CCKBR: variants seen among roughly 807,000 people sequenced by gnomAD.
CCKBR encodes cholecystokinin B receptor.
A neutral mutation model predicts 34.6 loss-of-function variants in CCKBR; 33 were observed. That is an observed-to-expected ratio of 0.95 (90% CI 0.72 to 1.27). The LOEUF is 1.27. CCKBR is among the 50% of genes most tolerant of loss of function. The pLI, the probability that CCKBR is intolerant of heterozygous loss-of-function variation, is 0.00. For synonymous variants in CCKBR, 269 were observed against 267.5 expected (o/e 1.01, Z -0.06); for missense variants, 652 against 617.4 (o/e 1.06, Z -0.59).
At chr11:6,264,543 G>T (rs1348496918) in intron 1 of CCKBR, 1 of 700,380 alleles carries the variant, frequency 1.4e-6, no homozygotes, top group East Asian at 2.7e-5. Context: ...GAGTCGCCTG[G>T]TCTGATGCCA....
In CCKBR at chr11:6,271,925, G is replaced by A. The variant is rs555657400; in HGVS notation, c.*382G>A. The A allele has an allele frequency of 3.3e-4, 64 of 194,720 alleles. No homozygotes were observed. The highest frequency in any genetic ancestry group is 1.4e-3 in the African/African-American group (62 of 43,020). The allele number at this position is 194,720 out of a possible 1,614,324, so 12.1% of individuals were successfully genotyped here. On this transcript the variant is annotated 3_prime_UTR_variant, in exon 5 of 5. Coordinates refer to ENST00000334619, the MANE Select transcript of CCKBR (RefSeq NM_176875.4). ...GGAGCCTGGCACAGGACTGATTCTG[G>A]GATGCTCCTAGTTTGACCTCACAGT...
chr11:6,263,035 A>G (rs1382994751), intron 1 of CCKBR, among the ~76,000 whole-genome samples: 2 of 152,218 alleles, frequency 1.3e-5, no homozygotes, highest in Non-Finnish European at 2.9e-5. Context: ...CAGATGTTAC[A>G]CACAGAGACC....
intron 1 of CCKBR, among the ~76,000 whole-genome samples, chr11:6,262,213 G>A (rs1489173705): frequency 6.6e-6 from 1 of 152,144 alleles, no homozygotes; most frequent in Non-Finnish European, 1.5e-5. Flanking sequence ...TTACAGGAGA[G>A]GTCTGAGGTG....
chr11:6,262,281 TA>T (rs1320606310), intron 1 of CCKBR, among the ~76,000 whole-genome samples: 1 of 152,110 alleles, frequency 6.6e-6, no homozygotes, highest in Non-Finnish European at 1.5e-5. Flanking sequence ...CGAGAATAGT[TA>T]AAATCATAAA....
At chr11:6,268,968 G>C (rs1848247831) in intron 1 of CCKBR, among the ~76,000 whole-genome samples, 1 of 151,870 alleles carries the variant, frequency 6.6e-6, no homozygotes, top group Non-Finnish European at 1.5e-5. Flanking sequence ...ATTCCGGTCT[G>C]AGAAACCAGC....
At chr11:6,268,314 A>G (rs1253495150) in intron 1 of CCKBR, among the ~76,000 whole-genome samples, 2 of 152,168 alleles carry the variant, frequency 1.3e-5, no homozygotes, top group East Asian at 1.9e-4. Context: ...CTTCTCTGCA[A>G]TCTAGGAGGC....
intron 2 of CCKBR, 49 bp downstream of exon 2, chr11:6,269,969 AGCTCTTGTGGATGTAG>A: frequency 6.2e-7 from 1 of 1,609,158 alleles, no homozygotes; most frequent in African/African-American, 1.3e-5. Flanking sequence ...CCCCGCCTAA[AGCTCTTGTGGATGTAG>A]GGGTCTTCCC....
At chr11:6,260,597 A>C (rs1300460833) in intron 1 of CCKBR, among the ~76,000 whole-genome samples, 1 of 152,206 alleles carries the variant, frequency 6.6e-6, no homozygotes, top group Non-Finnish European at 1.5e-5. Context: ...ATCCCAAAAA[A>C]GATCCTCAAA....
chr11:6,270,092 G>A lies in CCKBR; in HGVS notation c.408G>A (p.Val136=), dbSNP rs769006419. The change falls in exon 3 of 5, where the codon GTG becomes GTA. Residue 136 remains valine, a synonymous_variant. Transcript: ENST00000334619. ...CCTTTCTCTTCCCTTGTTTAGGGGT[G>A]TCTGTGAGTGTGTCCACGCTAAGCC... The part of the protein sequence containing the change: ...ICKAVSYLMG[V]SVSVSTLSLV... 6.2e-7 allele frequency: 1 copy of A among 1,603,738 alleles called. No individual in the cohort carries two copies. The highest frequency in any genetic ancestry group is 1.1e-5 in the South Asian group (1 of 90,276).
chr11:6,270,619 C>G, intron 3 of CCKBR, 27 bp from the exon 4 acceptor site: 1 of 1,570,476 alleles, frequency 6.4e-7, no homozygotes, highest in East Asian at 2.3e-5. Context: ...GACAGAAACC[C>G]GAGTGATCTG....
rs1436121738 is a variant in CCKBR, at chr11:6,271,422, G to C, written c.1223G>C (p.Cys408Ser). Residue 408 changes from cysteine (C) to serine (S), a missense_variant, in exon 5 of 5, where the codon TGC becomes TCC. Cys to Ser is a moderately radical substitution (Grantham distance 112). Transcript: ENST00000334619. ...RQACLETCAR[C>S]CPRPPRARPR... ...GCCTGCCTGGAAACTTGCGCTCGCT[G>C]CTGCCCCCGGCCTCCACGAGCTCGC... The C allele has an allele frequency of 1.2e-6, 2 of 1,613,686 alleles. No individual in the cohort carries two copies. The highest frequency in any genetic ancestry group is 1.7e-6 in the Non-Finnish European group (2 of 1,180,040).
At chr11:6,268,166 C>T (rs751631864) in intron 1 of CCKBR, among the ~76,000 whole-genome samples, 2 of 152,120 alleles carry the variant, frequency 1.3e-5, no homozygotes, top group Non-Finnish European at 2.9e-5. Flanking sequence ...CTTATGAGAC[C>T]ACCATCGTAT....
intron 1 of CCKBR, among the ~76,000 whole-genome samples, chr11:6,263,948 AC>A (rs1250094573): frequency 6.6e-6 from 1 of 152,250 alleles, no homozygotes; most frequent in South Asian, 2.1e-4. Flanking sequence ...GATGTTACCT[AC>A]AAAATGTTAT....
At chr11:6,269,522 T>C in intron 1 of CCKBR, 147 bp from the exon 2 acceptor site, 1 of 932,230 alleles carries the variant, frequency 1.1e-6, no homozygotes, top group Non-Finnish European at 1.6e-6. Flanking sequence ...GGCTAAAGGA[T>C]TCAAGTTCAC....
intron 1 of CCKBR, among the ~76,000 whole-genome samples, chr11:6,261,114 G>A (rs1482442757): frequency 1.3e-5 from 2 of 152,218 alleles, no homozygotes; most frequent in East Asian, 1.9e-4. Context: ...TTTCTCAGCC[G>A]AGTTGTTACA....
rs1848313680 is a variant in CCKBR, at chr11:6,271,444, T to G, written c.1245T>G (p.Ala415=). The stretch of plus-strand genomic sequence containing the variant: ...GCTGCTGCCCCCGGCCTCCACGAGC[T>G]CGCCCCAGGGCTCTTCCCGATGAGG... ...CARCCPRPPR[A]RPRALPDEDP... Residue 415 remains alanine, a synonymous_variant, in exon 5 of 5, where the codon GCT becomes GCG. Coordinates refer to ENST00000334619, the MANE Select transcript of CCKBR (RefSeq NM_176875.4). 1 of 1,613,410 alleles carries G rather than the reference T, an allele frequency of 6.2e-7. No homozygotes were observed. The highest frequency in any genetic ancestry group is 8.5e-7 in the Non-Finnish European group (1 of 1,180,036).
Position 6,270,230 on chromosome 11 carries a change from C to G in CCKBR, c.546C>G (p.Ser182=). The change falls in exon 3 of 5, where the codon TCC becomes TCG. Residue 182 remains serine, a synonymous_variant. Transcript: ENST00000334619. ...ARVIVATWLL[S]GLLMVPYPVY... is the part of the protein sequence containing the mutation. ...TGATTGTAGCCACGTGGCTGCTGTC[C>G]GGACTACTCATGGTGCCCTACCCCG... The G allele has an allele frequency of 6.2e-7, 1 of 1,613,192 alleles. No homozygotes were observed. Among genetic ancestry groups the G allele is most frequent in the Non-Finnish European group, 8.5e-7 (1 of 1,180,038 alleles).
At chr11:6,266,208 T>G (rs967938453) in intron 1 of CCKBR, among the ~76,000 whole-genome samples, 1 of 152,078 alleles carries the variant, frequency 6.6e-6, no homozygotes, top group African/African-American at 2.4e-5. Context: ...GGAGGCAGTA[T>G]GGGCCAGGCG....
intron 1 of CCKBR, 80 bp downstream of exon 1, chr11:6,260,159 C>A: frequency 9.3e-7 from 1 of 1,073,206 alleles, no homozygotes; most frequent in Non-Finnish European, 1.3e-6. Context: ...CCAACGAGCT[C>A]CACACTACCT....
Sources: allele counts gnomAD v4.1 joint callset (sites outside exome capture counted in the v4.1 genomes callset), GRCh38; gene constraint gnomAD v4.1.1; transcripts MANE v1.5; gene names NCBI Gene and HGNC (gene_info 2026-07-23, HGNC 2026-07-21).